The following MAGI1 variants were observed in gnomAD, a reference collection of about 807,000 sequenced individuals.
The protein encoded by MAGI1 is membrane associated guanylate kinase, WW and PDZ domain containing 1.
Under a neutral mutation model 139.9 loss-of-function variants are expected in MAGI1, and 58 were observed. That is an observed-to-expected ratio of 0.41 (90% CI 0.34 to 0.52). The LOEUF is 0.52. MAGI1 is among the 20% of genes least tolerant of loss of function. The probability of loss-of-function intolerance (pLI) is 0.12; values close to 1 mark genes in which losing one functional copy is unlikely to be tolerated. For missense variants in MAGI1, 1,874 were observed against 1,901.6 expected (o/e 0.99, Z 0.27); for synonymous variants, 812 against 737.9 (o/e 1.10, Z -1.63).
intron 2 of MAGI1, among the ~76,000 whole-genome samples, chr3:65,515,536 A>T (rs192590173): frequency 6.6e-6 from 1 of 152,334 alleles, no homozygotes; most frequent in Admixed American, 6.5e-5. Flanking sequence ...GGGCCTGATC[A>T]AATCTTTGGT....
intron 2 of MAGI1, among the ~76,000 whole-genome samples, chr3:65,582,725 G>A (rs1270006996): frequency 6.6e-6 from 1 of 152,086 alleles, no homozygotes; most frequent in Non-Finnish European, 1.5e-5. Context: ...AAAGCCTCAT[G>A]GAAGTCACCT....
intron 1 of MAGI1, among the ~76,000 whole-genome samples, chr3:65,796,050 CAAAAAA>C (rs35663778): frequency 1.1e-4 from 11 of 103,048 alleles, no homozygotes; most frequent in South Asian, 1.0e-3. Flanking sequence ...GACTCTGTCT[CAAAAAA>C]AAAAAAAAAA....
At chr3:65,468,327 T>C (rs1950302702) in intron 5 of MAGI1, among the ~76,000 whole-genome samples, 1 of 151,216 alleles carries the variant, frequency 6.6e-6, no homozygotes, top group Non-Finnish European at 1.5e-5. Context: ...ATTTCACTTA[T>C]CTCAGAACTC....
At chr3:65,775,994 G>A (rs1577076114) in intron 1 of MAGI1, among the ~76,000 whole-genome samples, 1 of 150,124 alleles carries the variant, frequency 6.7e-6, no homozygotes, top group Admixed American at 6.7e-5. Flanking sequence ...TAAATTATTT[G>A]CAAAACAAAA....
chr3:65,885,125 G>A (rs77273430), intron 1 of MAGI1, among the ~76,000 whole-genome samples: 4,971 of 152,180 alleles, frequency 0.033, 138 homozygotes, highest in South Asian at 0.048. Flanking sequence ...CAGGTCGGGC[G>A]CAGCAGCTCA....
chr3:65,486,748 C>T (rs942584247), intron 3 of MAGI1, among the ~76,000 whole-genome samples: 6 of 152,102 alleles, frequency 3.9e-5, no homozygotes, highest in African/African-American at 9.7e-5. Flanking sequence ...TTCTTTACAT[C>T]GCCAGGAAGG....
chr3:65,968,547 T>G (rs770653339), intron 1 of MAGI1, among the ~76,000 whole-genome samples: 1 of 151,850 alleles, frequency 6.6e-6, no homozygotes. Context: ...TATACACATA[T>G]CATTTTTAAA....
intron 2 of MAGI1, among the ~76,000 whole-genome samples, chr3:65,502,891 T>C (rs1015141221): frequency 3.3e-5 from 5 of 152,110 alleles, no homozygotes; most frequent in African/African-American, 9.7e-5. Context: ...AGAAAATCTA[T>C]GGCTCATACT....
At chr3:65,886,107 G>A (rs964193541) in intron 1 of MAGI1, among the ~76,000 whole-genome samples, 2 of 152,168 alleles carry the variant, frequency 1.3e-5, no homozygotes, top group African/African-American at 2.4e-5. Flanking sequence ...GTTTAGAACT[G>A]TAATGGGCCA....
At chr3:65,650,572 A>G (rs1433556746) in intron 1 of MAGI1, among the ~76,000 whole-genome samples, 1 of 152,208 alleles carries the variant, frequency 6.6e-6, no homozygotes. Context: ...TCTCCTGTGG[A>G]GGGAGCACAT....
chr3:65,501,751 A>G (rs1382463776), intron 2 of MAGI1, among the ~76,000 whole-genome samples: 1 of 152,174 alleles, frequency 6.6e-6, no homozygotes, highest in Non-Finnish European at 1.5e-5. Flanking sequence ...AACCCCATAC[A>G]GAAATGTTTA....
At chr3:65,948,791 C>T (rs1318978547) in intron 1 of MAGI1, among the ~76,000 whole-genome samples, 1 of 152,154 alleles carries the variant, frequency 6.6e-6, no homozygotes, top group Non-Finnish European at 1.5e-5. Context: ...CTGTTAAAAT[C>T]TGTTAGGATT....
At chr3:65,665,203 G>A (rs1257542077) in intron 1 of MAGI1, among the ~76,000 whole-genome samples, 1 of 152,146 alleles carries the variant, frequency 6.6e-6, no homozygotes, top group Non-Finnish European at 1.5e-5. Flanking sequence ...ATGGTGTGCT[G>A]GATATGCTTC....
intron 1 of MAGI1, among the ~76,000 whole-genome samples, chr3:65,771,746 T>A (rs1577064472): frequency 6.6e-6 from 1 of 152,318 alleles, no homozygotes; most frequent in East Asian, 1.9e-4. Context: ...ATAAGCCTCA[T>A]CATTATTTGA....
intron 20 of MAGI1, among the ~76,000 whole-genome samples, 172 bp from the exon 21 acceptor site, chr3:65,363,780 A>G (rs1470353306): frequency 1.3e-5 from 2 of 152,238 alleles, no homozygotes; most frequent in African/African-American, 4.8e-5. Context: ...CAGAATTTGA[A>G]AACAGTTATG....
chr3:65,498,468 AT>A (rs1462404586), intron 2 of MAGI1, among the ~76,000 whole-genome samples: 1 of 152,234 alleles, frequency 6.6e-6, no homozygotes, highest in Non-Finnish European at 1.5e-5. Context: ...TGGGAAAAAA[AT>A]AATAGCTTCC....
rs569775192 is a variant in MAGI1 at position 65,681,641 on chromosome 3, T to A, written c.314-59553A>T. Among the ~76,000 whole-genome samples, 11 of 152,342 alleles carry A rather than the reference T, an allele frequency of 7.2e-5. No individual in the cohort carries two copies. The South Asian group carries it at 2.3e-3, about 32-fold the overall frequency. On this transcript the variant is annotated intron_variant, in intron 1 of 22. Transcript: ENST00000402939. ...AGACCCTCTGCACTTCTATTTATGT[T>A]CAAGTTTACTGAGACTCAGTGCAAA...
chr3:66,009,647 T>C (rs2067219742), intron 1 of MAGI1, among the ~76,000 whole-genome samples: 1 of 152,186 alleles, frequency 6.6e-6, no homozygotes, highest in Non-Finnish European at 1.5e-5. Context: ...AATTAAACAG[T>C]AGTGTCTACA....
intron 1 of MAGI1, among the ~76,000 whole-genome samples, chr3:65,966,000 T>C (rs528747313): frequency 3.9e-5 from 6 of 152,186 alleles, no homozygotes; most frequent in East Asian, 1.9e-4. Context: ...TTCTCAGAGA[T>C]AGAAGACGGT....
Sources: gnomAD v4.1 joint callset for allele counts (sites outside exome capture counted in the v4.1 genomes callset) on GRCh38, gnomAD v4.1.1 for gene constraint, MANE v1.5 for transcripts, NCBI Gene and HGNC (gene_info 2026-07-23, HGNC 2026-07-21) for gene names.